Variants in PTPRG observed in about 807,000 individuals in gnomAD.
PTPRG encodes the protein protein tyrosine phosphatase receptor type G.
PTPRG carries 102 observed loss-of-function variants against 165.3 expected under a neutral mutation model. The observed-to-expected ratio is 0.62, with a 90% CI of 0.53 to 0.73. PTPRG has a LOEUF of 0.73. Ranked by LOEUF, PTPRG falls within the 30% of genes least tolerant of loss-of-function variation. The probability of loss-of-function intolerance (pLI) is 0.00; values close to 1 mark genes in which losing one functional copy is unlikely to be tolerated. For missense variants in PTPRG, 1,866 were observed against 1,861.4 expected (o/e 1.00, Z -0.05); for synonymous variants, 675 against 669.5 (o/e 1.01, Z -0.13).
rs372744091 is a variant in PTPRG, at chr3:62,143,554, C to CT, written c.682+10902dup. ...GAAAAATTTTAGTCTCATGAAGAAT[C>CT]TTTTTTTTTTTTTTTTAATTTTTTT... On this transcript the variant is annotated intron_variant, in intron 6 of 29. Coordinates refer to ENST00000474889, the MANE Select transcript of PTPRG (RefSeq NM_002841.4). Among the ~76,000 whole-genome samples the CT allele has an allele frequency of 3.5e-3, 488 of 138,806 alleles. 2 individuals are homozygous for CT. The highest frequency in any genetic ancestry group is 0.012 in the Middle Eastern group (3 of 260). 91.1% of individuals were successfully genotyped at this position (138,806 alleles called of 152,430 possible). A position where few individuals can be genotyped will look rare whatever the true frequency, so the allele number is the denominator to read the frequency against.
chr3:62,238,437 TTATTAA>T (rs1314384354), intron 14 of PTPRG, among the ~76,000 whole-genome samples: 3 of 152,176 alleles, frequency 2.0e-5, no homozygotes, highest in Non-Finnish European at 4.4e-5. Flanking sequence ...AACATCATTA[TTATTAA>T]TAATATTGAA....
At chr3:61,851,253 G>A (rs1348678610) in intron 2 of PTPRG, among the ~76,000 whole-genome samples, 1 of 152,150 alleles carries the variant, frequency 6.6e-6, no homozygotes, top group Non-Finnish European at 1.5e-5. Context: ...AGCTCAGAAA[G>A]GATTAGATTC....
chr3:61,985,655 A>G (rs62245381), intron 2 of PTPRG, among the ~76,000 whole-genome samples: 11,429 of 152,250 alleles, frequency 0.075, 571 homozygotes, highest in Non-Finnish European at 0.11. Flanking sequence ...GGACTGAGCA[A>G]GTGTCGATTC....
intron 2 of PTPRG, among the ~76,000 whole-genome samples, chr3:61,780,009 C>G (rs1002599634): frequency 6.6e-6 from 1 of 152,194 alleles, no homozygotes; most frequent in African/African-American, 2.4e-5. Context: ...ATTGGTACCT[C>G]AATCTTTGTC....
At chr3:61,922,414 G>C (rs2039100591) in intron 2 of PTPRG, among the ~76,000 whole-genome samples, 1 of 152,224 alleles carries the variant, frequency 6.6e-6, no homozygotes, top group Non-Finnish European at 1.5e-5. Context: ...GGCAATAGTA[G>C]CAGAGATGCA....
At chr3:61,692,308 G>C (rs1458444162) in intron 1 of PTPRG, among the ~76,000 whole-genome samples, 1 of 152,182 alleles carries the variant, frequency 6.6e-6, no homozygotes, top group Non-Finnish European at 1.5e-5. Flanking sequence ...TCAACTTTGA[G>C]CTGGGGTTTT....
chr3:61,583,984 A>C (rs1176452695), intron 1 of PTPRG, among the ~76,000 whole-genome samples: 3 of 152,212 alleles, frequency 2.0e-5, no homozygotes, highest in Non-Finnish European at 4.4e-5. Context: ...GAAGGACAGG[A>C]ACCTTCTCCC....
intron 28 of PTPRG, among the ~76,000 whole-genome samples, chr3:62,290,585 A>T (rs1256312208): frequency 6.6e-6 from 1 of 152,222 alleles, no homozygotes; most frequent in Non-Finnish European, 1.5e-5. Context: ...ATAGACAAAC[A>T]GAATAAAAGG....
intron 2 of PTPRG, among the ~76,000 whole-genome samples, chr3:61,905,440 A>G (rs1453869127): frequency 1.3e-5 from 2 of 152,062 alleles, no homozygotes; most frequent in African/African-American, 2.4e-5. Flanking sequence ...GACACTATCT[A>G]TCCAATTCTC....
chr3:61,563,329 GAATA>G (rs1307721251), intron 1 of PTPRG, among the ~76,000 whole-genome samples: 1 of 152,164 alleles, frequency 6.6e-6, no homozygotes, highest in Non-Finnish European at 1.5e-5. Flanking sequence ...CCGTTGATAA[GAATA>G]AATCACCGCA....
intron 1 of PTPRG, among the ~76,000 whole-genome samples, chr3:61,613,998 G>A (rs1437707491): frequency 2.0e-5 from 3 of 152,126 alleles, no homozygotes; most frequent in African/African-American, 7.2e-5. Context: ...TATTGACTTG[G>A]TGAGCTACCA....
At chr3:61,761,643 C>T (rs2033838974) in intron 2 of PTPRG, among the ~76,000 whole-genome samples, 1 of 152,162 alleles carries the variant, frequency 6.6e-6, no homozygotes, top group African/African-American at 2.4e-5. Flanking sequence ...TGGTATCTCA[C>T]TGTAGTTTTG....
chr3:61,735,405 G>A lies in PTPRG; in HGVS notation c.86-13473G>A, dbSNP rs146597998. Among the ~76,000 whole-genome samples the A allele has an allele frequency of 6.0e-3, 916 of 152,214 alleles. 13 individuals are homozygous for A. Among genetic ancestry groups the A allele is most frequent in the African/African-American group, 0.021 (866 of 41,510 alleles). On this transcript the variant is annotated intron_variant, in intron 1 of 29. Coordinates refer to ENST00000474889, the MANE Select transcript of PTPRG (RefSeq NM_002841.4). The stretch of plus-strand genomic sequence containing the variant: ...GAACAAAGCCAGCCTCATTCTTGCT[G>A]GAAAGGAAGCAAATCTAACACCTAA...
At chr3:61,963,301 A>C (rs1467659655) in intron 2 of PTPRG, among the ~76,000 whole-genome samples, 1 of 152,110 alleles carries the variant, frequency 6.6e-6, no homozygotes, top group African/African-American at 2.4e-5. Flanking sequence ...GACCCCCAAA[A>C]AGGGTAAAAA....
chr3:61,756,135 G>A (rs2033627197), intron 2 of PTPRG, among the ~76,000 whole-genome samples: 1 of 152,196 alleles, frequency 6.6e-6, no homozygotes, highest in Non-Finnish European at 1.5e-5. Context: ...TGGGTTGGTT[G>A]AAAAGATGAA....
intron 8 of PTPRG, among the ~76,000 whole-genome samples, chr3:62,186,567 C>CTTTTTTTTTTTTT (rs35133425): frequency 0.016 from 1,882 of 117,124 alleles, 61 homozygotes; most frequent in East Asian, 0.041. Context: ...TTTTCTTTTC[C>CTTTTTTTTTTTTT]TTTTTTTTTT....
intron 2 of PTPRG, among the ~76,000 whole-genome samples, chr3:61,801,922 G>T (rs1026231956): frequency 6.6e-6 from 1 of 151,986 alleles, no homozygotes; most frequent in African/African-American, 2.4e-5. Context: ...CTACTCAGGA[G>T]GCTGAGGCAG....
At chr3:61,874,245 AG>A (rs2037662426) in intron 2 of PTPRG, among the ~76,000 whole-genome samples, 2 of 152,150 alleles carry the variant, frequency 1.3e-5, no homozygotes, top group African/African-American at 4.8e-5. Flanking sequence ...TTGAGACTTT[AG>A]GGTGGCCTAA....
intron 5 of PTPRG, among the ~76,000 whole-genome samples, chr3:62,101,091 C>T (rs550403358): frequency 3.9e-5 from 6 of 152,236 alleles, no homozygotes; most frequent in Admixed American, 2.0e-4. Context: ...TTTGCTTCAG[C>T]ATAATTGGAG....
Sources: gnomAD v4.1 joint callset for allele counts (sites outside exome capture counted in the v4.1 genomes callset) on GRCh38, gnomAD v4.1.1 for gene constraint, MANE v1.5 for transcripts, NCBI Gene and HGNC (gene_info 2026-07-23, HGNC 2026-07-21) for gene names.